Variants in THADA observed in about 807,000 individuals in gnomAD.
THADA encodes THADA armadillo repeat containing.
Under a neutral mutation model 219.8 loss-of-function variants are expected in THADA, and 213 were observed. That is an observed-to-expected ratio of 0.97 (90% CI 0.87 to 1.09). THADA has a LOEUF of 1.09. Ranked by LOEUF, THADA falls within the 50% of genes least tolerant of loss-of-function variation. The pLI, the probability that THADA is intolerant of heterozygous loss-of-function variation, is 0.00. For missense variants in THADA, 2,956 were observed against 2,311.3 expected (o/e 1.28, Z -5.72); for synonymous variants, 1,018 against 828.9 (o/e 1.23, Z -3.92).
chr2:43,483,711 G>A (rs573763085), intron 26 of THADA, among the ~76,000 whole-genome samples: 4 of 151,710 alleles, frequency 2.6e-5, no homozygotes, highest in Admixed American at 2.0e-4. Context: ...CAACCTAAAT[G>A]AGGTTTTCTC....
At chr2:43,463,700 AAT>A (rs1683901542) in intron 26 of THADA, among the ~76,000 whole-genome samples, 3 of 106,130 alleles carry the variant, frequency 2.8e-5, no homozygotes, top group African/African-American at 1.7e-4. Flanking sequence ...GGCAAATTCC[AAT>A]GGTGCCAATG....
chr2:43,241,680 T>C (rs1227198548), intron 36 of THADA, among the ~76,000 whole-genome samples: 1 of 151,970 alleles, frequency 6.6e-6, no homozygotes, highest in African/African-American at 2.4e-5. Context: ...TCTCTAGGCC[T>C]GCATTAGAAG....
At chr2:43,504,838 C>G (rs906844758) in intron 24 of THADA, among the ~76,000 whole-genome samples, 2 of 152,108 alleles carry the variant, frequency 1.3e-5, no homozygotes, top group African/African-American at 4.8e-5. Flanking sequence ...GAGCCACGAT[C>G]GCACCACTGC....
intron 29 of THADA, among the ~76,000 whole-genome samples, chr2:43,373,177 G>C (rs1670998925): frequency 6.6e-6 from 1 of 152,108 alleles, no homozygotes; most frequent in African/African-American, 2.4e-5. Flanking sequence ...GGGTGTTTAA[G>C]GTTAAATGTT....
intron 34 of THADA, among the ~76,000 whole-genome samples, chr2:43,289,976 G>GTTTTT (rs59073038): frequency 2.2e-5 from 2 of 92,014 alleles, no homozygotes; most frequent in African/African-American, 4.2e-5. Flanking sequence ...TTTTGTTTTT[G>GTTTTT]TTTTTTTTTT....
Position 43,238,118 on chromosome 2 carries a change from C to CAAAAAAAAAAAAAAAAAAA in THADA, c.5297-5255_5297-5237dup, listed in dbSNP as rs59802310. Among the ~76,000 whole-genome samples, 5 of 28,266 alleles carry CAAAAAAAAAAAAAAAAAAA rather than the reference C, an allele frequency of 1.8e-4. 1 individual carries two copies. Among genetic ancestry groups the CAAAAAAAAAAAAAAAAAAA allele is most frequent in the Non-Finnish European group, 3.1e-4 (5 of 16,026 alleles). The allele number at this position is 28,266 out of a possible 152,430, so 18.5% of individuals were successfully genotyped here. A position where few individuals can be genotyped will look rare whatever the true frequency, so the allele number is the denominator to read the frequency against. On this transcript the variant is annotated intron_variant, in intron 36 of 37. Transcript: ENST00000405975. ...TGGATGACAGAGCAAGATTCCATCTCAAAAAAAAAAAAAAAAAAAAAAAAA... is the reference window on the plus strand; with the variant it reads ...TGGATGACAGAGCAAGATTCCATCTCAAAAAAAAAAAAAAAAAAAAAAAAAAAAAAAAAAAAAAAAAAAA...
intron 14 of THADA, among the ~76,000 whole-genome samples, chr2:43,567,956 C>T (rs1295340972): frequency 6.6e-6 from 1 of 152,194 alleles, no homozygotes; most frequent in African/African-American, 2.4e-5. Context: ...TCATTCACAT[C>T]AGTGAATTCA....
chr2:43,514,771 A>G (rs1393484177), intron 22 of THADA, among the ~76,000 whole-genome samples: 12 of 91,654 alleles, frequency 1.3e-4, no homozygotes, highest in Non-Finnish European at 2.2e-4. Flanking sequence ...TATGTATAAT[A>G]TATATTTTAT....
At chr2:43,355,986 C>T (rs1051349961) in intron 29 of THADA, among the ~76,000 whole-genome samples, 2 of 152,008 alleles carry the variant, frequency 1.3e-5, no homozygotes, top group African/African-American at 2.4e-5. Flanking sequence ...GTGTATAGGA[C>T]ACAAAAATAA....
At chr2:43,405,864 C>A (rs1002369350) in intron 28 of THADA, among the ~76,000 whole-genome samples, 1 of 152,100 alleles carries the variant, frequency 6.6e-6, no homozygotes, top group Non-Finnish European at 1.5e-5. Context: ...ACACATTAAA[C>A]CCTTAAAAAA....
chr2:43,577,753 A>T (rs1700010813), intron 9 of THADA, among the ~76,000 whole-genome samples: 2 of 152,132 alleles, frequency 1.3e-5, no homozygotes, highest in Admixed American at 1.3e-4. Flanking sequence ...TAAGAAGCAA[A>T]TTTACTGAAC....
chr2:43,487,387 G>A (rs1687042415), intron 25 of THADA, among the ~76,000 whole-genome samples: 1 of 152,160 alleles, frequency 6.6e-6, no homozygotes, highest in Non-Finnish European at 1.5e-5. Flanking sequence ...GGAGTGCCTG[G>A]AGATGTTGAG....
intron 15 of THADA, chr2:43,565,948 T>G (rs1698620162): frequency 6.5e-6 from 1 of 152,824 alleles, no homozygotes; most frequent in Admixed American, 6.6e-5. Flanking sequence ...ATTAGCCAGG[T>G]GTAGCGGCAT....
In THADA at chr2:43,231,152, G is replaced by C. The variant is rs1296731580; in HGVS notation, c.5658C>G (p.Phe1886Leu). ...SEQCHLLSQF[F>L]RELPPAAEFV... is the part of the protein sequence containing the mutation. ...ACTCAGCAGCTGGTGGAAGCTCTCT[G>C]AAGAACTGAGACAGGAGGTGGCACT... The change falls in exon 38 of 38, where the codon TTC becomes TTG. Residue 1886 changes from phenylalanine to leucine, a missense_variant. Coordinates refer to ENST00000405975, the MANE Select transcript of THADA (RefSeq NM_022065.5). 6.2e-7 allele frequency: 1 copy of C among 1,605,224 alleles called. No homozygotes were observed. Among genetic ancestry groups the C allele is most frequent in the Admixed American group, 1.7e-5 (1 of 59,950 alleles).
At chr2:43,435,774 T>C (rs570822112) in intron 26 of THADA, among the ~76,000 whole-genome samples, 2 of 139,314 alleles carry the variant, frequency 1.4e-5, no homozygotes, top group Admixed American at 7.3e-5. Flanking sequence ...GAGTGAGAAC[T>C]TGCCACCAAA....
intron 26 of THADA, among the ~76,000 whole-genome samples, chr2:43,431,649 T>TCACCGTGTTAGCCAGGA (rs1558750565): frequency 5.8e-4 from 21 of 35,908 alleles, no homozygotes; most frequent in African/African-American, 2.6e-3. Flanking sequence ...GTACTTTTTT[T>TCACCGTGTTAGCCAGGA]TTTTTTTTTT....
At chr2:43,499,643 A>C (rs1688682936) in intron 24 of THADA, among the ~76,000 whole-genome samples, 1 of 152,116 alleles carries the variant, frequency 6.6e-6, no homozygotes, top group African/African-American at 2.4e-5. Flanking sequence ...TCCCAAAGTG[A>C]TGGCATTATA....
At chr2:43,555,738 A>G (rs1002979750) in intron 17 of THADA, among the ~76,000 whole-genome samples, 1 of 152,156 alleles carries the variant, frequency 6.6e-6, no homozygotes, top group African/African-American at 2.4e-5. Context: ...CCTGGAAATA[A>G]TAATTTTTAA....
At chr2:43,323,537 A>G (rs1272873961) in intron 30 of THADA, among the ~76,000 whole-genome samples, 1 of 152,230 alleles carries the variant, frequency 6.6e-6, no homozygotes, top group African/African-American at 2.4e-5. Flanking sequence ...CCCCTGCTAA[A>G]GCAAGAGCCA....
Sources: allele counts gnomAD v4.1 joint callset (sites outside exome capture counted in the v4.1 genomes callset), GRCh38; gene constraint gnomAD v4.1.1; transcripts MANE v1.5; gene names NCBI Gene and HGNC (gene_info 2026-07-23, HGNC 2026-07-21).